The following DDHD1 variants were observed in gnomAD, a reference collection of about 807,000 sequenced individuals.
DDHD1 encodes DDHD domain containing 1, also known as phospholipase DDHD1.
In DDHD1, 49 loss-of-function variants were observed where a neutral mutation model predicts 96.4. The observed-to-expected ratio is 0.51, with a 90% confidence interval of 0.40 to 0.64. The LOEUF is 0.64. Among genes scored for constraint, DDHD1 ranks in the 30% least tolerant of loss-of-function variants. The probability of loss-of-function intolerance (pLI) is 0.00; values close to 1 mark genes in which losing one functional copy is unlikely to be tolerated. For synonymous variants in DDHD1, 442 were observed against 446.5 expected (o/e 0.99, Z 0.13); for missense variants, 1,106 against 1,161.2 (o/e 0.95, Z 0.69).
At chr14:53,111,635 C>G (rs1027638008) in intron 1 of DDHD1, among the ~76,000 whole-genome samples, 1 of 137,876 alleles carries the variant, frequency 7.3e-6, no homozygotes, top group Non-Finnish European at 1.5e-5. Flanking sequence ...AAGTTTATTA[C>G]CCCCCCCCAA....
intron 2 of DDHD1, among the ~76,000 whole-genome samples, chr14:53,095,581 C>G (rs1012778003): frequency 6.6e-6 from 1 of 152,010 alleles, no homozygotes; most frequent in Admixed American, 6.6e-5. Flanking sequence ...CACTGTACAC[C>G]AGATCAAGAT....
intron 1 of DDHD1, among the ~76,000 whole-genome samples, chr14:53,125,542 G>T (rs964487541): frequency 9.9e-5 from 15 of 152,066 alleles, no homozygotes; most frequent in African/African-American, 3.6e-4. Context: ...AAAATCAAAA[G>T]AATATGTATT....
At chr14:53,101,388 T>C (rs1027338079) in intron 2 of DDHD1, among the ~76,000 whole-genome samples, 5 of 152,100 alleles carry the variant, frequency 3.3e-5, no homozygotes, top group African/African-American at 9.7e-5. Flanking sequence ...CCAAAAATTA[T>C]GACAAAGATA....
At position 53,152,332 on chromosome 14, in the gene DDHD1, GGCTCGAT is replaced by G. The variant is rs1566614367; in HGVS notation, c.760_766del (p.Ile254LeufsTer13). On this transcript the variant is annotated frameshift_variant, in exon 1 of 13. Coordinates refer to ENST00000673822, the MANE Select transcript of DDHD1 (RefSeq NM_001160148.2). LOFTEE classifies it high-confidence loss of function. ...GTAGAGGCCGCCCCGCACGCACACA[GGCTCGAT>G]GTTCACAAGCTCCACCATCTCCGGC... 6.2e-7 allele frequency: 1 copy of G among 1,614,058 alleles called. No homozygotes were observed. The highest frequency in any genetic ancestry group is 8.5e-7 in the Non-Finnish European group (1 of 1,179,972).
rs1246459665 is a variant in DDHD1 at position 53,044,300 on chromosome 14, G to A, written c.*2468C>T. 6.6e-6 allele frequency: 1 copy of A among 152,010 alleles called. No individual in the cohort carries two copies. Among genetic ancestry groups the A allele is most frequent in the East Asian group, 1.9e-4 (1 of 5,196 alleles). The allele number at this position is 152,010 out of a possible 1,614,324, so 9.4% of individuals were successfully genotyped here. On this transcript the variant is annotated 3_prime_UTR_variant, in exon 13 of 13. Transcript: ENST00000673822. ...CCAAGAATTCAAATAAACTCCAAAT[G>A]GTTAAATTTGACTGTTTTCTCAACA...
intron 4 of DDHD1, among the ~76,000 whole-genome samples, chr14:53,082,557 G>A (rs1885578195): frequency 6.6e-6 from 1 of 150,558 alleles, no homozygotes; most frequent in Non-Finnish European, 1.5e-5. Context: ...TCAGGAGTTC[G>A]AGACCAGCCT....
At chr14:53,088,107 A>G (rs1156557873) in intron 4 of DDHD1, among the ~76,000 whole-genome samples, 2 of 152,224 alleles carry the variant, frequency 1.3e-5, no homozygotes, top group Non-Finnish European at 2.9e-5. Flanking sequence ...CTTTCCCCCA[A>G]GACTAAACCA....
At chr14:53,068,241 T>C (rs1371460212) in intron 6 of DDHD1, among the ~76,000 whole-genome samples, 1 of 105,230 alleles carries the variant, frequency 9.5e-6, no homozygotes, top group Non-Finnish European at 1.9e-5. Context: ...GCCTTTATGA[T>C]ACTTTTTTTT....
rs10142309 is a variant in DDHD1 at position 53,040,916 on chromosome 14, C to G, written c.*5852G>C. ...GGTGCCAGCTGCTTCTGAGAAATGT[C>G]CCTATGAGCAAAAATTCTCCATCTT... On this transcript the variant is annotated 3_prime_UTR_variant, in exon 13 of 13. Transcript: ENST00000673822. 123,209 of 151,974 alleles carry G rather than the reference C, an allele frequency of 0.81. 50,374 individuals are homozygous for G. Among genetic ancestry groups the G allele is most frequent in the East Asian group, 0.98 (5,074 of 5,174 alleles). 9.4% of individuals were successfully genotyped at this position (151,974 alleles called of 1,614,324 possible).
intron 4 of DDHD1, among the ~76,000 whole-genome samples, chr14:53,084,368 C>A (rs1013201883): frequency 2.0e-5 from 3 of 152,160 alleles, no homozygotes; most frequent in Non-Finnish European, 4.4e-5. Context: ...ATTTCCCTCA[C>A]CTGTACTCAA....
At chr14:53,110,073 A>C (rs1029730388) in intron 1 of DDHD1, among the ~76,000 whole-genome samples, 2 of 152,224 alleles carry the variant, frequency 1.3e-5, no homozygotes, top group Non-Finnish European at 2.9e-5. Context: ...GAAAGCTGAC[A>C]GTATTTAGGT....
At chr14:53,103,488 T>G (rs1887464902) in intron 2 of DDHD1, 195 bp downstream of exon 2, 1 of 490,216 alleles carries the variant, frequency 2.0e-6, no homozygotes, top group South Asian at 3.7e-5. Context: ...CCATACATAT[T>G]AAAATAAAAA....
At chr14:53,142,523 T>C (rs1484840446) in intron 1 of DDHD1, among the ~76,000 whole-genome samples, 1 of 152,222 alleles carries the variant, frequency 6.6e-6, no homozygotes, top group Non-Finnish European at 1.5e-5. Flanking sequence ...AGCAGTCTTT[T>C]AGAAAACTGT....
rs141830387 is a variant in DDHD1 at position 53,057,880 on chromosome 14, C to T, written c.1992+597G>A. Reference sequence around the variant, plus strand: ...TTTTTACTTTTTGGAGACAGAGTCTCGCTCTATTGCCCAGGCTGGAGTGCA... The same window carrying T: ...TTTTTACTTTTTGGAGACAGAGTCTTGCTCTATTGCCCAGGCTGGAGTGCA... On this transcript the variant is annotated intron_variant, in intron 9 of 12. Transcript: ENST00000673822. 5.8e-4 allele frequency among the ~76,000 whole-genome samples: 88 copies of T among 152,332 alleles called. 4 individuals are homozygous for T. In the East Asian group the frequency reaches 0.017, roughly 29 times the overall value.
chr14:53,056,040 G>T, intron 9 of DDHD1, 128 bp from the exon 10 acceptor site: 1 of 755,574 alleles, frequency 1.3e-6, no homozygotes, highest in Non-Finnish European at 2.1e-6. Flanking sequence ...AAAAACAATA[G>T]CTATTTCAAA....
At chr14:53,101,171 G>C (rs1887266742) in intron 2 of DDHD1, among the ~76,000 whole-genome samples, 1 of 152,086 alleles carries the variant, frequency 6.6e-6, no homozygotes, top group African/African-American at 2.4e-5. Context: ...AGAGCTAACA[G>C]TAAATTAAAA....
At chr14:53,053,445 A>G (rs1411043787) in intron 11 of DDHD1, 2 of 152,256 alleles carry the variant, frequency 1.3e-5, no homozygotes, top group East Asian at 3.9e-4. Flanking sequence ...TGGCCCAAGT[A>G]GGAATGTTCA....
chr14:53,121,268 AAGTC>A (rs1375892787), intron 1 of DDHD1, among the ~76,000 whole-genome samples: 1 of 152,252 alleles, frequency 6.6e-6, no homozygotes, highest in Non-Finnish European at 1.5e-5. Flanking sequence ...AATTATTAAA[AAGTC>A]AGGAAACAAC....
intron 2 of DDHD1, among the ~76,000 whole-genome samples, chr14:53,098,663 C>CT (rs1199977933): frequency 2.0e-5 from 3 of 152,070 alleles, no homozygotes; most frequent in Non-Finnish European, 4.4e-5. Context: ...AAAAGGAAAG[C>CT]TAGTTAGAAG....
Sources: allele counts gnomAD v4.1 joint callset (sites outside exome capture counted in the v4.1 genomes callset), GRCh38; gene constraint gnomAD v4.1.1; transcripts MANE v1.5; gene names NCBI Gene and HGNC (gene_info 2026-07-23, HGNC 2026-07-21).